DBP: variants seen among roughly 807,000 people sequenced by gnomAD.
The protein encoded by DBP is D-box binding PAR bZIP transcription factor, also known as D site-binding protein.
Under a neutral mutation model 21.4 loss-of-function variants are expected in DBP, and 12 were observed. The observed-to-expected ratio is 0.56, with a 90% CI of 0.36 to 0.91. DBP has a LOEUF of 0.91. Among genes scored for constraint, DBP ranks in the 40% least tolerant of loss-of-function variants. The probability of loss-of-function intolerance (pLI) is 0.01; values close to 1 mark genes in which losing one functional copy is unlikely to be tolerated. For synonymous variants in DBP, 213 were observed against 224.9 expected (o/e 0.95, Z 0.47); for missense variants, 423 against 473.4 (o/e 0.89, Z 0.99).
chr19:48,630,177 C>T lies in DBP; in HGVS notation c.*660G>A. The T allele has an allele frequency of 4.0e-6, 5 of 1,247,414 alleles. No individual in the cohort carries two copies. Among genetic ancestry groups the T allele is most frequent in the Non-Finnish European group, 5.0e-6 (5 of 993,904 alleles). 77.3% of individuals were successfully genotyped at this position (1,247,414 alleles called of 1,614,324 possible). On this transcript the variant is annotated 3_prime_UTR_variant, in exon 4 of 4. Coordinates refer to ENST00000222122, the MANE Select transcript of DBP (RefSeq NM_001352.5). The surrounding 1 kb of genome is among the most constrained non-coding windows in gnomAD (Gnocchi z 4.9). ...GCCTCAGTGAGTCGGCCGGTCAGGG[C>T]CCGCAGCCTCGCCCCATCCACTCCG...
intron 3 of DBP, chr19:48,631,861 C>T (rs1483996228): frequency 6.6e-6 from 1 of 152,206 alleles, no homozygotes; most frequent in Non-Finnish European, 1.5e-5. Flanking sequence ...AATCCAGTCC[C>T]TAGCAACAGG....
At chr19:48,634,610 C>G in intron 2 of DBP, 1 of 830,760 alleles carries the variant, frequency 1.2e-6, no homozygotes, top group Non-Finnish European at 1.4e-6. Flanking sequence ...CAGGCCCCCG[C>G]CATCGGCGCC....
In DBP at chr19:48,635,548, C is replaced by G; in HGVS notation, c.550+32G>C. The G allele has an allele frequency of 3.5e-6, 5 of 1,438,502 alleles. No individual in the cohort carries two copies. The South Asian group carries it at 6.8e-5, about 19-fold the overall frequency. 89.1% of individuals were successfully genotyped at this position (1,438,502 alleles called of 1,614,324 possible). ...CGCCCCCTGAGTCCAAGCCCCGCCC[C>G]GTCAGGACCCGCCCCGCCCCCTTCG... On this transcript the variant is annotated intron_variant, in intron 2 of 3. Transcript: ENST00000222122.
At chr19:48,636,784 C>T (rs2030820484) in intron 1 of DBP, 72 bp downstream of exon 1, 16 of 1,546,302 alleles carry the variant, frequency 1.0e-5, no homozygotes, top group East Asian at 2.3e-5. Context: ...TCTATGGGAC[C>T]CCACCCCACG....
At chr19:48,631,656 T>C (rs1465196208) in intron 3 of DBP, 1 of 152,570 alleles carries the variant, frequency 6.6e-6, no homozygotes, top group Non-Finnish European at 1.5e-5. Flanking sequence ...CAGTAGGACC[T>C]GACTGAGAGA....
intron 2 of DBP, 166 bp downstream of exon 2, chr19:48,635,414 T>A (rs1376022015): frequency 2.8e-6 from 4 of 1,447,162 alleles, no homozygotes; most frequent in Non-Finnish European, 3.6e-6. Context: ...CCTGACCCAT[T>A]AAGAGACACC....
In DBP at chr19:48,637,109, T is replaced by C; in HGVS notation, c.-115A>G. The C allele has an allele frequency of 1.0e-6, 1 of 984,350 alleles. No individual in the cohort carries two copies. The highest frequency in any genetic ancestry group is 1.4e-6 in the Non-Finnish European group (1 of 701,294). 61.0% of individuals were successfully genotyped at this position (984,350 alleles called of 1,614,324 possible). On this transcript the variant is annotated 5_prime_UTR_variant, in exon 1 of 4. Coordinates refer to ENST00000222122, the MANE Select transcript of DBP (RefSeq NM_001352.5). ...GTGTCTGCCCAGGGGCGGGCGAGTG[T>C]AGCCTGCAACCCTCCAGTATCCAGA...
chr19:48,634,620 C>T, intron 2 of DBP: 1 of 898,306 alleles, frequency 1.1e-6, no homozygotes, highest in Non-Finnish European at 1.3e-6. Context: ...CCATCGGCGC[C>T]CTCACGTTCC....
Position 48,637,123 on chromosome 19 carries a change from C to G in DBP, c.-129G>C. ...GCGGGCGAGTGTAGCCTGCAACCCT[C>G]CAGTATCCAGAACGCTGCAAATCCT... On this transcript the variant is annotated 5_prime_UTR_variant, in exon 1 of 4. Transcript: ENST00000222122. 1 of 820,030 alleles carries G rather than the reference C, an allele frequency of 1.2e-6. No individual in the cohort carries two copies. Among genetic ancestry groups the G allele is most frequent in the Non-Finnish European group, 1.8e-6 (1 of 554,430 alleles). 50.8% of individuals were successfully genotyped at this position (820,030 alleles called of 1,614,324 possible).
In DBP at chr19:48,635,780, A is replaced by G; in HGVS notation, c.350T>C (p.Val117Ala). The change falls in exon 2 of 4, where the codon GTA becomes GCA. Residue 117 changes from valine to alanine, a missense_variant. By Grantham distance (64) the Val-to-Ala change is moderately conservative (BLOSUM62 0). This residue lies in a region of DBP where 283 missense variants were observed against 273.7 expected (regional missense o/e 1.03). Transcript: ENST00000222122. ...CTCCAGCAGGAAGGCGTCCAGGTCT[A>G]CGTACTCCACATCGCCGAACGGCAG... ...RTLPFGDVEY[V>A]DLDAFLLEHG... 2 of 1,433,288 alleles carry G rather than the reference A, an allele frequency of 1.4e-6. No individual in the cohort carries two copies. The highest frequency in any genetic ancestry group is 1.8e-6 in the Non-Finnish European group (2 of 1,101,206). The allele number at this position is 1,433,288 out of a possible 1,614,324, so 88.8% of individuals were successfully genotyped here. A position where few individuals can be genotyped will look rare whatever the true frequency, so the allele number is the denominator to read the frequency against.
chr19:48,631,067 G>C lies in DBP; in HGVS notation c.763-15C>G, dbSNP rs768949654. On this transcript the variant is annotated splice_polypyrimidine_tract_variant and intron_variant, in intron 3 of 3. Transcript: ENST00000222122. The stretch of plus-strand genomic sequence containing the variant: ...TATTTCTCATCCTGCAGGAGAAGAG[G>C]GGGAGAGCACTGAGGTCCAGAGGGA... The C allele has an allele frequency of 6.2e-7, 1 of 1,609,232 alleles. No individual in the cohort carries two copies. Among genetic ancestry groups the C allele is most frequent in the Non-Finnish European group, 8.5e-7 (1 of 1,177,264 alleles).
intron 3 of DBP, 53 bp from the exon 4 acceptor site, chr19:48,631,105 C>T: frequency 2.0e-6 from 3 of 1,527,342 alleles, no homozygotes; most frequent in Non-Finnish European, 2.7e-6. Context: ...CAGGTCCCAG[C>T]GAGAGAGGAA....
In DBP at chr19:48,633,546, G is replaced by A. The variant is rs1306972071; in HGVS notation, c.660C>T (p.His220=). 12 of 1,614,136 alleles carry A rather than the reference G, an allele frequency of 7.4e-6. 1 individual carries two copies. The highest frequency in any genetic ancestry group is 6.6e-5 in the South Asian group (6 of 91,090). Reference sequence around the variant, plus strand: ...GATGTCTTCGAGGGTCAAAGGTCTCGTGGCCAGGAATGCTTGATAGGGCAA... The same window carrying A: ...GATGTCTTCGAGGGTCAAAGGTCTCATGGCCAGGAATGCTTGATAGGGCAA... The part of the protein sequence containing the change: ...ADLALSSIPG[H]ETFDPRRHRF... Residue 220 remains histidine (H), a synonymous_variant, in exon 3 of 4, where the codon CAC becomes CAT. Transcript: ENST00000222122.
At chr19:48,633,337 G>T in intron 3 of DBP, 107 bp downstream of exon 3, 1 of 1,170,726 alleles carries the variant, frequency 8.5e-7, no homozygotes, top group Non-Finnish European at 1.3e-6. Context: ...GAGAGGCTGA[G>T]CACTAATCCC....
At chr19:48,634,975 T>C in intron 2 of DBP, 1 of 985,854 alleles carries the variant, frequency 1.0e-6, no homozygotes, top group Non-Finnish European at 1.2e-6. Flanking sequence ...CCCAGGCCTC[T>C]CCTAGGAATA....
intron 2 of DBP, chr19:48,634,533 A>C (rs942000130): frequency 8.1e-6 from 2 of 247,014 alleles, no homozygotes; most frequent in African/African-American, 4.6e-5. Context: ...AGCCGGGGCC[A>C]GCTAAGGACA....
chr19:48,630,783 G>GT lies in DBP; in HGVS notation c.*53dup. 6.6e-6 allele frequency: 10 copies of GT among 1,525,136 alleles called. No individual in the cohort carries two copies. Among genetic ancestry groups the GT allele is most frequent in the Middle Eastern group, 1.7e-4 (1 of 5,900 alleles). The allele number at this position is 1,525,136 out of a possible 1,614,324, so 94.5% of individuals were successfully genotyped here. A position where few individuals can be genotyped will look rare whatever the true frequency, so the allele number is the denominator to read the frequency against. ...CCACAGGGCAGGAAGGGAACAGGGC[G>GT]TAAGTCTCAGCAAGGCGGAGGAGAG... On this transcript the variant is annotated 3_prime_UTR_variant, in exon 4 of 4. Coordinates refer to ENST00000222122, the MANE Select transcript of DBP (RefSeq NM_001352.5). The surrounding 1 kb of genome is among the most constrained non-coding windows in gnomAD (Gnocchi z 4.9).
Position 48,636,132 on chromosome 19 carries a change from A to C in DBP, c.140-142T>G, listed in dbSNP as rs572106813. On this transcript the variant is annotated intron_variant, in intron 1 of 3. Coordinates refer to ENST00000222122, the MANE Select transcript of DBP (RefSeq NM_001352.5). Reference sequence around the variant, plus strand: ...GTCGGAGAGGAGAGACGGGAGAAAAAGGGACGGAGACGCAGAGTGGGAGAG... The same window carrying C: ...GTCGGAGAGGAGAGACGGGAGAAAACGGGACGGAGACGCAGAGTGGGAGAG... 4 of 772,434 alleles carry C rather than the reference A, an allele frequency of 5.2e-6. No homozygotes were observed. In the South Asian group the frequency reaches 6.4e-5, roughly 12 times the overall value. 47.8% of individuals were successfully genotyped at this position (772,434 alleles called of 1,614,324 possible).
At position 48,635,797 on chromosome 19, in the gene DBP, G is replaced by T; in HGVS notation, c.333C>A (p.Phe111Leu). The change falls in exon 2 of 4, where the codon TTC (phenylalanine) becomes TTA (leucine). Residue 111 changes from phenylalanine to leucine, a missense_variant. Phe to Leu is a conservative substitution (Grantham distance 22, BLOSUM62 0). Coordinates refer to ENST00000222122, the MANE Select transcript of DBP (RefSeq NM_001352.5). ...APLLWERTLP[F>L]GDVEYVDLDA... is the part of the protein sequence containing the mutation. ...CCAGGTCTACGTACTCCACATCGCC[G>T]AACGGCAGCGTGCGCTCCCACAGCA... 7.0e-7 allele frequency: 1 copy of T among 1,436,064 alleles called. No homozygotes were observed. Among genetic ancestry groups the T allele is most frequent in the Non-Finnish European group, 9.1e-7 (1 of 1,103,344 alleles). The allele number at this position is 1,436,064 out of a possible 1,614,324, so 89.0% of individuals were successfully genotyped here.
Sources: gnomAD v4.1 joint callset for allele counts on GRCh38, gnomAD v4.1.1 for gene constraint, gnomAD v4.1.1 regional missense constraint, Gnocchi (gnomAD v3.1) non-coding constraint, MANE v1.5 for transcripts, NCBI Gene and HGNC (gene_info 2026-07-23, HGNC 2026-07-21) for gene names.